Variants in PDZD9 observed in about 807,000 individuals in gnomAD.
The protein encoded by PDZD9 is PDZ domain-containing protein 9.
Under a neutral mutation model 16.3 loss-of-function variants are expected in PDZD9, and 13 were observed. That is an observed-to-expected ratio of 0.80 (90% CI 0.52 to 1.27). The LOEUF (loss-of-function observed/expected upper bound fraction) is 1.27, where lower values mean the gene tolerates loss of function less well. Ranked by LOEUF, PDZD9 falls within the 50% of genes most tolerant of loss-of-function variation. The pLI is 0.00. For synonymous variants in PDZD9, 120 were observed against 111.0 expected (o/e 1.08, Z -0.51); for missense variants, 288 against 310.9 (o/e 0.93, Z 0.55).
chr16:21,990,817 C>T (rs974200480), intron 2 of PDZD9, among the ~76,000 whole-genome samples: 1 of 152,164 alleles, frequency 6.6e-6, no homozygotes, highest in African/African-American at 2.4e-5. Flanking sequence ...ATTTCCTGAC[C>T]GTTCTGGCTG....
the PDZD9 span, chr16:21,971,885 C>A: frequency 1.9e-6 from 3 of 1,609,862 alleles, no homozygotes; most frequent in Non-Finnish European, 2.5e-6. Context: ...GGTGAACAAG[C>A]CATTTTCTTC....
At chr16:21,994,832 T>A (rs1322359253) in intron 2 of PDZD9, among the ~76,000 whole-genome samples, 1 of 140,890 alleles carries the variant, frequency 7.1e-6, no homozygotes, top group Non-Finnish European at 1.6e-5. Context: ...GTAAATTTAA[T>A]TTTTTTTTTT....
At chr16:21,959,779 T>C in the PDZD9 span, 1 of 152,228 alleles carries the variant, frequency 6.6e-6, no homozygotes, top group South Asian at 2.1e-4. Flanking sequence ...TACTCCTTGA[T>C]CCATGGGGTG....
rs1411027210 is a variant in PDZD9, at chr16:21,984,147, CATAAG to C, written c.*115_*119del. 9.0e-7 allele frequency: 1 copy of C among 1,110,480 alleles called. No individual in the cohort carries two copies. Among genetic ancestry groups the C allele is most frequent in the Non-Finnish European group, 1.3e-6 (1 of 782,440 alleles). 68.8% of individuals were successfully genotyped at this position (1,110,480 alleles called of 1,614,324 possible). A position where few individuals can be genotyped will look rare whatever the true frequency, so the allele number is the denominator to read the frequency against. On this transcript the variant is annotated 3_prime_UTR_variant, in exon 4 of 4. Coordinates refer to ENST00000424898, the MANE Select transcript of PDZD9 (RefSeq NM_001363519.1). ...ATCTCTAAAGGCTTTATAACGCAGT[CATAAG>C]AGAAGAGAATTGGTGAGTCTACAGA... is the stretch of plus-strand genomic sequence containing the variant.
At chr16:21,971,640 AG>A in the PDZD9 span, 1 of 1,609,452 alleles carries the variant, frequency 6.2e-7, no homozygotes, top group Non-Finnish European at 8.5e-7. Flanking sequence ...TCATTCTATT[AG>A]GGTTAATTTA....
chr16:21,961,626 T>TTATATATATATATATATATATA, the PDZD9 span, among the ~76,000 whole-genome samples: 25 of 64,456 alleles, frequency 3.9e-4, no homozygotes, highest in Non-Finnish European at 6.4e-4. Flanking sequence ...AACATAAAAT[T>TTATATATATATATATATATATA]TATATATATA....
the PDZD9 span, among the ~76,000 whole-genome samples, chr16:21,973,291 A>G: frequency 2.2e-4 from 33 of 152,292 alleles, no homozygotes; most frequent in Middle Eastern, 3.4e-3. Flanking sequence ...GAAAGTTTGT[A>G]TTTTTAATAA....
chr16:21,985,442 TTTGTTGTTG>T (rs760948159), intron 3 of PDZD9, among the ~76,000 whole-genome samples: 2 of 152,014 alleles, frequency 1.3e-5, no homozygotes, highest in Non-Finnish European at 2.9e-5. Flanking sequence ...CAGCCAGGTT[TTTGTTGTTG>T]TTGTTGTTGT....
the PDZD9 span, among the ~76,000 whole-genome samples, chr16:21,964,445 A>T: frequency 6.6e-6 from 1 of 152,222 alleles, no homozygotes; most frequent in Non-Finnish European, 1.5e-5. Context: ...GATAAAGTCC[A>T]AACAGCATAT....
chr16:21,972,083 G>T, the PDZD9 span: 1 of 1,614,000 alleles, frequency 6.2e-7, no homozygotes, highest in Non-Finnish European at 8.5e-7. Flanking sequence ...CCAGCCATCT[G>T]CACCAGGCTG....
At chr16:21,965,341 T>A in the PDZD9 span, 4 of 1,482,934 alleles carry the variant, frequency 2.7e-6, no homozygotes, top group South Asian at 4.6e-5. Flanking sequence ...TGTTGCTTTC[T>A]AGGTTTTAAA....
chr16:21,965,021 G>A, the PDZD9 span, among the ~76,000 whole-genome samples: 5 of 152,138 alleles, frequency 3.3e-5, no homozygotes, highest in Non-Finnish European at 7.3e-5. Flanking sequence ...AGGAAACCTA[G>A]GAGTAAGTAA....
chr16:21,975,194 G>C, the PDZD9 span, among the ~76,000 whole-genome samples: 35 of 152,312 alleles, frequency 2.3e-4, no homozygotes, highest in African/African-American at 8.4e-4. Context: ...GGAGTTGGGA[G>C]CATTGGCAAG....
chr16:21,971,440 G>T, the PDZD9 span: 2 of 1,136,918 alleles, frequency 1.8e-6, no homozygotes, highest in Non-Finnish European at 2.5e-6. Flanking sequence ...TTTTACAATC[G>T]TATTTTTAAA....
the PDZD9 span, chr16:21,968,560 C>A: frequency 7.0e-7 from 1 of 1,432,422 alleles, no homozygotes; most frequent in South Asian, 1.3e-5. Context: ...CCAAACTGTA[C>A]TTTTATGTTT....
chr16:21,987,386 C>T (rs770807860), intron 3 of PDZD9, among the ~76,000 whole-genome samples: 1 of 152,114 alleles, frequency 6.6e-6, no homozygotes, highest in Non-Finnish European at 1.5e-5. Flanking sequence ...CGCCACTACA[C>T]TCCAGCCTGG....
At chr16:21,972,100 A>C in the PDZD9 span, 1 of 1,613,822 alleles carries the variant, frequency 6.2e-7, no homozygotes, top group East Asian at 2.2e-5. Flanking sequence ...GCTGTTGCCA[A>C]GGCAACTCAG....
At chr16:21,962,678 T>C in the PDZD9 span, 7 of 1,600,838 alleles carry the variant, frequency 4.4e-6, no homozygotes, top group African/African-American at 4.0e-5. Context: ...AAGTTTCACA[T>C]TGAGAGCATT....
chr16:21,962,693 C>G, the PDZD9 span: 6 of 1,607,398 alleles, frequency 3.7e-6, no homozygotes, highest in Admixed American at 1.7e-5. Flanking sequence ...AGCATTACAG[C>G]TATGTAGAAT....
Sources: gnomAD v4.1 joint callset for allele counts (sites outside exome capture counted in the v4.1 genomes callset) on GRCh38, gnomAD v4.1.1 for gene constraint, MANE v1.5 for transcripts, NCBI Gene and HGNC (gene_info 2026-07-23, HGNC 2026-07-21) for gene names.